Variants in DENND3 observed in about 807,000 individuals in gnomAD.
DENND3 encodes DENN domain containing 3, also known as DENN domain-containing protein 3.
A neutral mutation model predicts 135.1 loss-of-function variants in DENND3; 88 were observed. The observed-to-expected ratio is 0.65, with a 90% confidence interval of 0.55 to 0.78. The LOEUF is 0.78. Ranked by LOEUF, DENND3 falls within the 30% of genes least tolerant of loss-of-function variation. The probability of loss-of-function intolerance (pLI) is 0.00; values close to 1 mark genes in which losing one functional copy is unlikely to be tolerated. For synonymous variants in DENND3, 693 were observed against 712.3 expected (o/e 0.97, Z 0.43); for missense variants, 1,392 against 1,688.4 (o/e 0.82, Z 3.08).
intron 8 of DENND3, among the ~76,000 whole-genome samples, 163 bp downstream of exon 8, chr8:141,156,133 C>G (rs905747898): frequency 2.0e-5 from 3 of 152,068 alleles, no homozygotes; most frequent in African/African-American, 7.3e-5. Context: ...GAGTCTCACT[C>G]TTGTTGTTCA....
At position 141,141,635 on chromosome 8, in the gene DENND3, G is replaced by T; in HGVS notation, c.623+311G>T. The T allele has an allele frequency of 3.2e-6, 1 of 316,412 alleles. No individual in the cohort carries two copies. The highest frequency in any genetic ancestry group is 4.5e-5 in the South Asian group (1 of 22,206). The allele number at this position is 316,412 out of a possible 1,614,324, so 19.6% of individuals were successfully genotyped here. On this transcript the variant is annotated intron_variant, in intron 4 of 22. Coordinates refer to ENST00000519811, the MANE Select transcript of DENND3 (RefSeq NM_001352890.3). This position sits in a 1 kb window ranked among gnomAD's most constrained non-coding sequence, Gnocchi z 5.3. The stretch of plus-strand genomic sequence containing the variant: ...CTGTCGGAAGTAAGGTTGATGTTCA[G>T]GATTTTCATTTTGTTTAGTTTTTCA...
At chr8:141,193,965 G>A (rs900932768) in intron 22 of DENND3, 68 bp from the exon 23 acceptor site, 78 of 1,540,508 alleles carry the variant, frequency 5.1e-5, no homozygotes, top group Admixed American at 3.2e-4. Context: ...CTGGGTAGCC[G>A]GGCAAAGCCC....
rs933989171 is a variant in DENND3, at chr8:141,190,410, G to A, written c.3372G>A (p.Leu1124=). Residue 1124 remains leucine, a synonymous_variant, in exon 20 of 23, where the codon CTG becomes CTA. Coordinates refer to ENST00000519811, the MANE Select transcript of DENND3 (RefSeq NM_001352890.3). ...LTSIRLHGGR[L]WCCTGNSIMV... ...CCATCAGACTGCACGGCGGCCGCCT[G>A]TGGTGCTGTAAGTCCGGCCCCTGCC... 1.2e-6 allele frequency: 2 copies of A among 1,608,864 alleles called. No homozygotes were observed. The highest frequency in any genetic ancestry group is 1.7e-6 in the Non-Finnish European group (2 of 1,178,566).
intron 5 of DENND3, among the ~76,000 whole-genome samples, chr8:141,147,052 G>A (rs371515072): frequency 1.4e-4 from 21 of 152,100 alleles, no homozygotes; most frequent in African/African-American, 4.1e-4. Flanking sequence ...GATGACTCTC[G>A]GCTCCTTCAT....
intron 10 of DENND3, 82 bp downstream of exon 10, chr8:141,163,511 T>A: frequency 1.1e-6 from 1 of 915,694 alleles, no homozygotes; most frequent in Non-Finnish European, 1.7e-6. Context: ...TCAAAATAAG[T>A]GTTCTCAAGT....
intron 5 of DENND3, among the ~76,000 whole-genome samples, chr8:141,147,876 T>G (rs1818355710): frequency 6.6e-6 from 1 of 152,216 alleles, no homozygotes; most frequent in Non-Finnish European, 1.5e-5. Context: ...AGCCAGTCAG[T>G]GCCTGCTGAT....
rs768118828 is a variant in DENND3 at position 141,175,394 on chromosome 8, C to T, written c.2470C>T (p.Arg824Cys). The T allele has an allele frequency of 9.3e-6, 15 of 1,614,054 alleles. No individual in the cohort carries two copies. The highest frequency in any genetic ancestry group is 5.3e-5 in the African/African-American group (4 of 74,910). Residue 824 changes from arginine (R) to cysteine (C), a missense_variant, in exon 14 of 23, where the codon CGC becomes TGC. Arg to Cys is a radical substitution (Grantham distance 180). Coordinates refer to ENST00000519811, the MANE Select transcript of DENND3 (RefSeq NM_001352890.3). The surrounding 1 kb of genome is among the most constrained non-coding windows in gnomAD (Gnocchi z 5.4). ...GVGKIAMTQK[R>C]LFLLTEGRPG... ...TGGCAAGATCGCCATGACCCAGAAG[C>T]GCCTGTTCCTCCTAACCGAAGGAAG...
At position 141,139,202 on chromosome 8, in the gene DENND3, G is replaced by T. The variant is rs1444619384; in HGVS notation, c.501+1065G>T. Among the ~76,000 whole-genome samples, 2 of 152,180 alleles carry T rather than the reference G, an allele frequency of 1.3e-5. No individual in the cohort carries two copies. Among genetic ancestry groups the T allele is most frequent in the Admixed American group, 6.5e-5 (1 of 15,280 alleles). On this transcript the variant is annotated intron_variant, in intron 3 of 22. Transcript: ENST00000519811. The surrounding 1 kb of genome is among the most constrained non-coding windows in gnomAD (Gnocchi z 4.2). ...GCAGTCGAGAGAAATGGCTGGCCTG[G>T]ATTCCCTCGGAGCCCGGGACACGTG...
At chr8:141,148,593 G>A (rs1404711514) in intron 5 of DENND3, among the ~76,000 whole-genome samples, 1 of 152,108 alleles carries the variant, frequency 6.6e-6, no homozygotes, top group Non-Finnish European at 1.5e-5. Context: ...TTTGGAAACT[G>A]TTTACCTTAA....
Position 141,128,612 on chromosome 8 carries a change from C to A in DENND3, c.-96C>A. On this transcript the variant is annotated 5_prime_UTR_variant, in exon 1 of 23. Transcript: ENST00000519811. The surrounding 1 kb of genome is among the most constrained non-coding windows in gnomAD (Gnocchi z 4.5). Reference sequence around the variant, plus strand: ...CCGCAGACGGCGCTCGCAGCGCCCCCGGCCCCCAGGCGGCGCGGCTGGTCC... The same window carrying A: ...CCGCAGACGGCGCTCGCAGCGCCCCAGGCCCCCAGGCGGCGCGGCTGGTCC... The A allele has an allele frequency of 4.3e-6, 3 of 705,494 alleles. No individual in the cohort carries two copies. The highest frequency in any genetic ancestry group is 1.3e-4 in the South Asian group (2 of 15,124). The allele number at this position is 705,494 out of a possible 1,614,324, so 43.7% of individuals were successfully genotyped here.
In DENND3 at chr8:141,189,221, C is replaced by T. The variant is rs542661867; in HGVS notation, c.3245+75C>T. 14 of 1,596,654 alleles carry T rather than the reference C, an allele frequency of 8.8e-6. No homozygotes were observed. The South Asian group carries it at 1.6e-4, about 18-fold the overall frequency. On this transcript the variant is annotated intron_variant, in intron 19 of 22. Transcript: ENST00000519811. ...CAGAAGGCACAGCGGGTAGGGTTCC[C>T]AAGTCTTGTGCCCACAGGGGCCAGG...
rs1482611378 is a variant in DENND3, at chr8:141,139,900, A to G, written c.502-1303A>G. 3.5e-5 allele frequency among the ~76,000 whole-genome samples: 5 copies of G among 144,854 alleles called. No homozygotes were observed. The highest frequency in any genetic ancestry group is 1.3e-4 in the African/African-American group (5 of 38,514). On this transcript the variant is annotated intron_variant, in intron 3 of 22. Coordinates refer to ENST00000519811, the MANE Select transcript of DENND3 (RefSeq NM_001352890.3). The surrounding 1 kb of genome is among the most constrained non-coding windows in gnomAD (Gnocchi z 4.2). Reference sequence around the variant, plus strand: ...TATGTATCCGGATGACGCTATATCTATCGTTTTTTTCTTTCTTTTTTTTTT... The same window carrying G: ...TATGTATCCGGATGACGCTATATCTGTCGTTTTTTTCTTTCTTTTTTTTTT...
chr8:141,132,616 C>T (rs1219201211), intron 1 of DENND3, among the ~76,000 whole-genome samples: 2 of 152,168 alleles, frequency 1.3e-5, no homozygotes, highest in African/African-American at 4.8e-5. Flanking sequence ...CTCAGCCTCC[C>T]AAAGTGCTGG....
chr8:141,168,424 AG>A lies in DENND3; in HGVS notation c.2175del (p.Lys726SerfsTer9), dbSNP rs1264289488. On this transcript the variant is annotated frameshift_variant, in exon 13 of 23. Coordinates refer to ENST00000519811, the MANE Select transcript of DENND3 (RefSeq NM_001352890.3). LOFTEE classifies it high-confidence loss of function. This position sits in a 1 kb window ranked among gnomAD's most constrained non-coding sequence, Gnocchi z 6.2. ...CACGTGAAGAAGTTCAAGCTGCCCA[AG>A]AAGCACATGCAGCTGGGCGACTTCA... The part of the protein sequence containing the change: ...DDHVKKFKLP[K>X]KHMQLGDFMK... 2 of 1,613,796 alleles carry A rather than the reference AG, an allele frequency of 1.2e-6. No homozygotes were observed. Among genetic ancestry groups the A allele is most frequent in the Non-Finnish European group, 1.7e-6 (2 of 1,180,050 alleles).
Position 141,139,676 on chromosome 8 carries a change from A to T in DENND3, c.502-1527A>T, listed in dbSNP as rs1589547056. On this transcript the variant is annotated intron_variant, in intron 3 of 22. Coordinates refer to ENST00000519811, the MANE Select transcript of DENND3 (RefSeq NM_001352890.3). This position sits in a 1 kb window ranked among gnomAD's most constrained non-coding sequence, Gnocchi z 4.2. Reference sequence around the variant, plus strand: ...ATAACACTTACCAGGAGCAATGCGCATGTTGTTTTCGTTATCATTAAATAT... The same window carrying T: ...ATAACACTTACCAGGAGCAATGCGCTTGTTGTTTTCGTTATCATTAAATAT... Among the ~76,000 whole-genome samples the T allele has an allele frequency of 6.6e-6, 1 of 152,184 alleles. No homozygotes were observed. The highest frequency in any genetic ancestry group is 2.1e-4 in the South Asian group (1 of 4,828).
chr8:141,192,776 C>T (rs1391603041), intron 22 of DENND3, 113 bp downstream of exon 22: 14 of 1,600,112 alleles, frequency 8.7e-6, no homozygotes, highest in Non-Finnish European at 1.2e-5. Flanking sequence ...CTGCCTTCGC[C>T]TCTCAGGGTT....
intron 5 of DENND3, among the ~76,000 whole-genome samples, chr8:141,147,229 G>A (rs552375524): frequency 3.3e-5 from 5 of 152,302 alleles, no homozygotes; most frequent in Admixed American, 1.3e-4. Context: ...TCCCCGCTGC[G>A]TGACTTGGGG....
In DENND3 at chr8:141,158,123, G is replaced by A. The variant is rs754406038; in HGVS notation, c.1196+2153G>A. On this transcript the variant is annotated intron_variant, in intron 8 of 22. Coordinates refer to ENST00000519811, the MANE Select transcript of DENND3 (RefSeq NM_001352890.3). ...ATTCCCTAAGGCCTTAAAGCCAAGC[G>A]ATGGTCCTGCACAGGCAAGGCTGGT... The A allele has an allele frequency of 9.2e-5, 117 of 1,271,184 alleles. No individual in the cohort carries two copies. In the Middle Eastern group the frequency reaches 2.4e-3, roughly 26 times the overall value. The allele number at this position is 1,271,184 out of a possible 1,614,324, so 78.7% of individuals were successfully genotyped here.
At chr8:141,179,684 C>T (rs571509838) in intron 16 of DENND3, among the ~76,000 whole-genome samples, 3 of 152,344 alleles carry the variant, frequency 2.0e-5, no homozygotes, top group Non-Finnish European at 2.9e-5. Flanking sequence ...CACCGCAGCC[C>T]GGTGTAGCCC....
Sources: gnomAD v4.1 joint callset for allele counts (sites outside exome capture counted in the v4.1 genomes callset) on GRCh38, gnomAD v4.1.1 for gene constraint, Gnocchi (gnomAD v3.1) non-coding constraint, MANE v1.5 for transcripts, NCBI Gene and HGNC (gene_info 2026-07-23, HGNC 2026-07-21) for gene names.